The following ROBO2 variants were observed in gnomAD, a reference collection of about 807,000 sequenced individuals.
ROBO2 encodes the protein roundabout homolog 2.
ROBO2 carries 53 observed loss-of-function variants against 160.8 expected under a neutral mutation model. The ratio of observed to expected loss-of-function variants is 0.33; its 90% CI spans 0.26 to 0.41. The LOEUF (loss-of-function observed/expected upper bound fraction) is 0.41, where lower values mean the gene tolerates loss of function less well. Ranked by LOEUF, ROBO2 falls within the 10% of genes least tolerant of loss-of-function variation. ROBO2 has a pLI of 1.00. For missense variants in ROBO2, 1,577 were observed against 1,722.4 expected (o/e 0.92, Z 1.49); for synonymous variants, 664 against 611.7 (o/e 1.09, Z -1.26).
At chr3:76,530,230 C>G (rs1261320737) in intron 2 of ROBO2, among the ~76,000 whole-genome samples, 1 of 152,204 alleles carries the variant, frequency 6.6e-6, no homozygotes, top group Non-Finnish European at 1.5e-5. Flanking sequence ...TGTAGGATTT[C>G]TTACAAAGTA....
chr3:77,365,497 T>C (rs137878540), intron 2 of ROBO2, among the ~76,000 whole-genome samples: 4 of 152,168 alleles, frequency 2.6e-5, no homozygotes, highest in Non-Finnish European at 5.9e-5. Context: ...TGGTAGATTA[T>C]TGGTCCCTTC....
At chr3:75,950,266 G>C (rs1173781170) in intron 2 of ROBO2, among the ~76,000 whole-genome samples, 1 of 152,060 alleles carries the variant, frequency 6.6e-6, no homozygotes, top group Non-Finnish European at 1.5e-5. Flanking sequence ...TAGCTGCTGA[G>C]TTCCTTTCTT....
intron 2 of ROBO2, among the ~76,000 whole-genome samples, chr3:76,815,067 A>T (rs535933422): frequency 2.0e-5 from 3 of 152,194 alleles, no homozygotes; most frequent in South Asian, 2.1e-4. Context: ...GCAGAAAATT[A>T]AAAAAGGGCT....
chr3:77,386,124 C>G (rs539959124), intron 2 of ROBO2, among the ~76,000 whole-genome samples: 1 of 152,140 alleles, frequency 6.6e-6, no homozygotes. Context: ...AAGTATTTTA[C>G]CTGCATTTTA....
At chr3:77,108,143 T>A (rs988541710) in intron 2 of ROBO2, among the ~76,000 whole-genome samples, 7 of 151,698 alleles carry the variant, frequency 4.6e-5, no homozygotes, top group Non-Finnish European at 8.8e-5. Context: ...TACATATATG[T>A]GTGTATCCAT....
chr3:76,988,569 C>T (rs2149359753), intron 2 of ROBO2, among the ~76,000 whole-genome samples: 1 of 152,188 alleles, frequency 6.6e-6, no homozygotes, highest in African/African-American at 2.4e-5. Context: ...GTTCATCCTC[C>T]TTTCATTTCC....
At chr3:76,318,189 A>T (rs147481882) in intron 2 of ROBO2, among the ~76,000 whole-genome samples, 6 of 152,100 alleles carry the variant, frequency 3.9e-5, no homozygotes, top group Non-Finnish European at 7.4e-5. Flanking sequence ...TAGGTATATT[A>T]AAAAAGCTCT....
intron 2 of ROBO2, among the ~76,000 whole-genome samples, chr3:76,661,456 T>C (rs1014392452): frequency 7.9e-5 from 12 of 152,084 alleles, no homozygotes; most frequent in Non-Finnish European, 1.0e-4. Flanking sequence ...GTCCTGAGAG[T>C]ATGTACTCAA....
chr3:76,346,142 T>C (rs1408936274), intron 2 of ROBO2, among the ~76,000 whole-genome samples: 1 of 152,158 alleles, frequency 6.6e-6, no homozygotes, highest in Non-Finnish European at 1.5e-5. Context: ...TAAAGAAGGC[T>C]GTCTTTGTTT....
chr3:77,352,765 A>T (rs1336139953), intron 2 of ROBO2, among the ~76,000 whole-genome samples: 2 of 152,166 alleles, frequency 1.3e-5, no homozygotes, highest in East Asian at 3.9e-4. Flanking sequence ...GTGGGAATGA[A>T]GTCTTTCTAT....
chr3:76,386,510 T>C (rs2076898052), intron 2 of ROBO2, among the ~76,000 whole-genome samples: 1 of 152,130 alleles, frequency 6.6e-6, no homozygotes, highest in South Asian at 2.1e-4. Flanking sequence ...AAATACACTT[T>C]TTTAAGGGTT....
intron 2 of ROBO2, among the ~76,000 whole-genome samples, chr3:76,048,606 C>T (rs931916646): frequency 6.6e-6 from 1 of 151,974 alleles, no homozygotes; most frequent in Non-Finnish European, 1.5e-5. Flanking sequence ...TGGATTGTCA[C>T]ACTAGTTAAA....
At chr3:76,392,968 C>T (rs2077229861) in intron 2 of ROBO2, among the ~76,000 whole-genome samples, 1 of 152,162 alleles carries the variant, frequency 6.6e-6, no homozygotes, top group African/African-American at 2.4e-5. Context: ...CAAGGATTGG[C>T]TTCCATGCAC....
chr3:76,206,512 C>G (rs138428108), intron 2 of ROBO2, among the ~76,000 whole-genome samples: 1 of 150,692 alleles, frequency 6.6e-6, no homozygotes, highest in Admixed American at 6.6e-5. Flanking sequence ...TAGACACTCA[C>G]ATGTGTTAAA....
chr3:76,401,794 A>G (rs2077835050), intron 2 of ROBO2, among the ~76,000 whole-genome samples: 1 of 151,590 alleles, frequency 6.6e-6, no homozygotes, highest in African/African-American at 2.4e-5. Flanking sequence ...AATAAATTGA[A>G]TAGAATAATT....
chr3:76,438,097 T>C (rs2076763721), intron 2 of ROBO2, among the ~76,000 whole-genome samples: 1 of 152,158 alleles, frequency 6.6e-6, no homozygotes, highest in Non-Finnish European at 1.5e-5. Flanking sequence ...ATTTGCAAGA[T>C]TTTGTGCAAG....
chr3:76,092,936 C>T (rs569190865), intron 2 of ROBO2, among the ~76,000 whole-genome samples: 3 of 152,250 alleles, frequency 2.0e-5, no homozygotes, highest in South Asian at 2.1e-4. Flanking sequence ...AAAACATCTT[C>T]GTCAAATCAC....
In ROBO2 at chr3:76,741,873, G is replaced by C. The variant is rs551232190; in HGVS notation, c.110-356141G>C. ...CTGAATGTCCAAGTTTTATACTTTAGGGCATTGAGAGGTAAATGGCCTTCT... is the reference window on the plus strand; with the variant it reads ...CTGAATGTCCAAGTTTTATACTTTACGGCATTGAGAGGTAAATGGCCTTCT... On this transcript the variant is annotated intron_variant, in intron 2 of 26. Transcript: ENST00000487694. Among the ~76,000 whole-genome samples the C allele has an allele frequency of 2.0e-5, 3 of 152,000 alleles. No individual in the cohort carries two copies. In the East Asian group the frequency reaches 5.8e-4, roughly 29 times the overall value.
chr3:77,215,963 A>G (rs1335606000), intron 2 of ROBO2, among the ~76,000 whole-genome samples: 1 of 152,094 alleles, frequency 6.6e-6, no homozygotes, highest in African/African-American at 2.4e-5. Context: ...AGGAGTACCC[A>G]GCCGTGTGAG....
Sources: allele counts gnomAD v4.1 joint callset (sites outside exome capture counted in the v4.1 genomes callset), GRCh38; gene constraint gnomAD v4.1.1; transcripts MANE v1.5; gene names NCBI Gene and HGNC (gene_info 2026-07-23, HGNC 2026-07-21).